Variants in PPM1E observed in about 807,000 individuals in gnomAD.
The protein encoded by PPM1E is protein phosphatase 1E.
PPM1E carries 20 observed loss-of-function variants against 65.9 expected under a neutral mutation model. The ratio of observed to expected loss-of-function variants is 0.30; its 90% confidence interval spans 0.21 to 0.44. The LOEUF (loss-of-function observed/expected upper bound fraction) is 0.44, where lower values mean the gene tolerates loss of function less well. PPM1E is among the 20% of genes least tolerant of loss of function. PPM1E has a pLI of 1.00. For synonymous variants in PPM1E, 352 were observed against 374.9 expected, an observed-to-expected ratio of 0.94 and a Z score of 0.70; for missense variants, 713 against 953.1, an observed-to-expected ratio of 0.75 and a Z score of 3.32.
chr17:58,952,762 C>G (rs1173492290), intron 1 of PPM1E, among the ~76,000 whole-genome samples: 3 of 152,156 alleles, frequency 2.0e-5, no homozygotes, highest in African/African-American at 7.2e-5. Flanking sequence ...CAACCTCCAC[C>G]TCCTGGATTC....
chr17:58,882,406 T>C (rs1053402545), intron 1 of PPM1E, among the ~76,000 whole-genome samples: 1 of 152,158 alleles, frequency 6.6e-6, no homozygotes, highest in African/African-American at 2.4e-5. Context: ...CATTTTTTTT[T>C]TGAGACGGAG....
intron 1 of PPM1E, among the ~76,000 whole-genome samples, chr17:58,909,876 T>C (rs2051602806): frequency 6.6e-6 from 1 of 151,512 alleles, no homozygotes; most frequent in Non-Finnish European, 1.5e-5. Context: ...CTTGGGGAAA[T>C]TCTTAGTCAT....
intron 1 of PPM1E, among the ~76,000 whole-genome samples, chr17:58,876,844 C>G (rs971740970): frequency 6.6e-6 from 1 of 151,982 alleles, no homozygotes; most frequent in Non-Finnish European, 1.5e-5. Context: ...AGTGCAGTGG[C>G]GCGATCTCGG....
intron 1 of PPM1E, among the ~76,000 whole-genome samples, chr17:58,787,363 T>C (rs1051511047): frequency 3.9e-5 from 6 of 152,202 alleles, no homozygotes; most frequent in Non-Finnish European, 7.3e-5. Flanking sequence ...TAATGCATTA[T>C]TGGCCCAAAT....
intron 1 of PPM1E, among the ~76,000 whole-genome samples, chr17:58,812,303 C>CAAAAAAAA (rs35132799): frequency 6.0e-5 from 3 of 49,784 alleles, no homozygotes; most frequent in African/African-American, 7.6e-5. Flanking sequence ...GACTCTGTTT[C>CAAAAAAAA]AAAAAAAAAA....
chr17:58,780,651 A>T (rs1251203001), intron 1 of PPM1E, among the ~76,000 whole-genome samples: 2 of 152,158 alleles, frequency 1.3e-5, no homozygotes, highest in African/African-American at 4.8e-5. Context: ...CTTGAGTATC[A>T]TGTGTTACAA....
chr17:58,775,857 T>C (rs1165270553), intron 1 of PPM1E, among the ~76,000 whole-genome samples: 4 of 128,398 alleles, frequency 3.1e-5, no homozygotes, highest in Admixed American at 1.1e-4. Flanking sequence ...GAGCTTGCAG[T>C]GAGCCGAGAT....
intron 1 of PPM1E, among the ~76,000 whole-genome samples, chr17:58,921,544 A>AAAC (rs2051750752): frequency 1.3e-5 from 2 of 151,360 alleles, no homozygotes; most frequent in African/African-American, 4.9e-5. Flanking sequence ...AACAAACAAA[A>AAAC]AACAACATCT....
At chr17:58,780,852 T>C (rs1440947254) in intron 1 of PPM1E, among the ~76,000 whole-genome samples, 1 of 152,188 alleles carries the variant, frequency 6.6e-6, no homozygotes, top group Non-Finnish European at 1.5e-5. Context: ...TAGATATTTA[T>C]AGCTTTTTAT....
At chr17:58,876,463 G>A (rs988776149) in intron 1 of PPM1E, among the ~76,000 whole-genome samples, 1 of 152,204 alleles carries the variant, frequency 6.6e-6, no homozygotes, top group African/African-American at 2.4e-5. Flanking sequence ...CAATCTGAGA[G>A]TGATAATTTG....
chr17:58,902,384 T>A (rs2051509183), intron 1 of PPM1E, among the ~76,000 whole-genome samples: 1 of 152,188 alleles, frequency 6.6e-6, no homozygotes, highest in Non-Finnish European at 1.5e-5. Flanking sequence ...TTCTGTAAGT[T>A]CTTCAGCTAA....
chr17:58,971,784 C>A (rs976271086), intron 4 of PPM1E, among the ~76,000 whole-genome samples: 2 of 152,170 alleles, frequency 1.3e-5, no homozygotes, highest in African/African-American at 4.8e-5. Flanking sequence ...GGATTTAGTG[C>A]TTGACTGGGA....
intron 1 of PPM1E, among the ~76,000 whole-genome samples, chr17:58,909,538 G>A (rs1217534426): frequency 1.3e-5 from 2 of 152,060 alleles, no homozygotes; most frequent in African/African-American, 4.8e-5. Context: ...AGCCACCATG[G>A]CTGACCTCTC....
In PPM1E at chr17:58,972,830, A is replaced by C; in HGVS notation, c.1117-2A>C. ...GCTTCTTTTTATTGCATTGCTGTTT[A>C]GGATGAAAAGCAGAGAATTGAGGCC... is the stretch of plus-strand genomic sequence containing the variant. On this transcript the variant is annotated splice_acceptor_variant, in intron 5 of 6. Transcript: ENST00000308249. LOFTEE classifies it high-confidence loss of function. The C allele has an allele frequency of 6.2e-7, 1 of 1,611,850 alleles. No homozygotes were observed. Among genetic ancestry groups the C allele is most frequent in the Non-Finnish European group, 8.5e-7 (1 of 1,178,102 alleles).
chr17:58,827,135 C>CTTTT (rs34789176), intron 1 of PPM1E, among the ~76,000 whole-genome samples: 1 of 104,268 alleles, frequency 9.6e-6, no homozygotes, highest in Admixed American at 1.0e-4. Context: ...AGTCCATGAT[C>CTTTT]TTTTTTTTTT....
chr17:58,834,453 A>T (rs2050634312), intron 1 of PPM1E, among the ~76,000 whole-genome samples: 1 of 152,150 alleles, frequency 6.6e-6, no homozygotes, highest in Non-Finnish European at 1.5e-5. Context: ...TTGGTGTCAT[A>T]TCTAAGAACA....
chr17:58,794,644 A>G (rs533344337), intron 1 of PPM1E, among the ~76,000 whole-genome samples: 27 of 152,198 alleles, frequency 1.8e-4, no homozygotes, highest in Admixed American at 6.5e-4. Context: ...ACTCCCACTT[A>G]TAAGTGAGAA....
chr17:58,981,081 A>G lies in PPM1E; in HGVS notation c.*50A>G, dbSNP rs759880058. The G allele has an allele frequency of 9.3e-6, 12 of 1,285,826 alleles. No homozygotes were observed. The highest frequency in any genetic ancestry group is 2.2e-5 in the Admixed American group (1 of 44,766). 79.7% of individuals were successfully genotyped at this position (1,285,826 alleles called of 1,614,324 possible). A position where few individuals can be genotyped will look rare whatever the true frequency, so the allele number is the denominator to read the frequency against. On this transcript the variant is annotated 3_prime_UTR_variant, in exon 7 of 7. Transcript: ENST00000308249. The stretch of plus-strand genomic sequence containing the variant: ...GCTCTCCCCCAATAAAAATACCACT[A>G]TCAGAGTAGAAACAAGGTAGACATT...
At chr17:58,893,731 C>T (rs1190141082) in intron 1 of PPM1E, among the ~76,000 whole-genome samples, 3 of 151,950 alleles carry the variant, frequency 2.0e-5, no homozygotes, top group African/African-American at 7.3e-5. Flanking sequence ...TATGGGAACT[C>T]TCTGTACTTT....
Sources: gnomAD v4.1 joint callset for allele counts (sites outside exome capture counted in the v4.1 genomes callset) on GRCh38, gnomAD v4.1.1 for gene constraint, MANE v1.5 for transcripts, NCBI Gene and HGNC (gene_info 2026-07-23, HGNC 2026-07-21) for gene names.